FBXO17: variants seen among roughly 807,000 people sequenced by gnomAD.
FBXO17 encodes the protein F-box only protein 17.
A neutral mutation model predicts 34.1 loss-of-function variants in FBXO17; 43 were observed. That is an observed-to-expected ratio of 1.26 (90% confidence interval 0.99 to 1.62). The LOEUF (loss-of-function observed/expected upper bound fraction) is 1.62, where lower values mean the gene tolerates loss of function less well. FBXO17 is among the 40% of genes most tolerant of loss of function. The pLI is 0.00. For missense variants in FBXO17, 424 were observed against 386.7 expected, an observed-to-expected ratio of 1.10 and a Z score of -0.81; for synonymous variants, 169 against 166.0, an observed-to-expected ratio of 1.02 and a Z score of -0.14.
At chr19:38,955,087 T>C (rs942219396) in intron 1 of FBXO17, among the ~76,000 whole-genome samples, 8 of 151,410 alleles carry the variant, frequency 5.3e-5, no homozygotes, top group South Asian at 2.1e-4. Flanking sequence ...CCCACCACCA[T>C]GCCCAGCTAA....
At position 38,945,042 on chromosome 19, in the gene FBXO17, T is replaced by C; in HGVS notation, c.620A>G (p.Tyr207Cys). The C allele has an allele frequency of 1.2e-6, 2 of 1,614,200 alleles. No individual in the cohort carries two copies. The highest frequency in any genetic ancestry group is 1.3e-5 in the African/African-American group (1 of 75,050). The change falls in exon 5 of 6, where the codon TAT (tyrosine) becomes TGT (cysteine). Residue 207 changes from tyrosine (Y) to cysteine (C), a missense_variant. By Grantham distance (194) the Tyr-to-Cys change is radical. Transcript: ENST00000292852. ...YQLRVRLLDV[Y>C]EKEVVKFSAS... is the part of the protein sequence containing the mutation. ...TGAGAACTTGACCACTTCCTTTTCA[T>C]ACACATCCAGAAGGCGGACCCGGAG...
At chr19:38,964,415 A>G (rs1178407850) in intron 1 of FBXO17, among the ~76,000 whole-genome samples, 1 of 151,918 alleles carries the variant, frequency 6.6e-6, no homozygotes, top group African/African-American at 2.4e-5. Flanking sequence ...GGCTCACTGC[A>G]ACCTCTGCCT....
At chr19:38,959,177 TGGGATTATA>T (rs1024359027) in intron 1 of FBXO17, among the ~76,000 whole-genome samples, 2 of 151,748 alleles carry the variant, frequency 1.3e-5, no homozygotes, top group African/African-American at 4.8e-5. Flanking sequence ...CCCAAAGTGC[TGGGATTATA>T]GGTAGGAGCC....
Position 38,946,525 on chromosome 19 carries a change from C to T in FBXO17, c.504G>A (p.Gly168=). Residue 168 remains glycine, a synonymous_variant, in exon 4 of 6, where the codon GGG becomes GGA. Coordinates refer to ENST00000292852, the MANE Select transcript of FBXO17 (RefSeq NM_024907.7). ...KRQLVDLVME[G]VWQELLDSAQ... ...CGCTGTCCAGCAGCTCCTGCCACAC[C>T]CCTTCCATCACCAGGTCCACAAGCT... is the stretch of plus-strand genomic sequence containing the variant. The T allele has an allele frequency of 6.2e-7, 1 of 1,614,046 alleles. No individual in the cohort carries two copies. The highest frequency in any genetic ancestry group is 8.5e-7 in the Non-Finnish European group (1 of 1,179,934).
Position 38,945,035 on chromosome 19 carries a change from C to G in FBXO17, c.627G>C (p.Lys209Asn), listed in dbSNP as rs772494584. ...LRVRLLDVYE[K>N]EVVKFSASPD... ...GTGAGGCTGAGAACTTGACCACTTCCTTTTCATACACATCCAGAAGGCGGA... is the reference window on the plus strand; with the variant it reads ...GTGAGGCTGAGAACTTGACCACTTCGTTTTCATACACATCCAGAAGGCGGA... The change falls in exon 5 of 6, where the codon AAG becomes AAC. Residue 209 changes from lysine to asparagine, a missense_variant. Lys to Asn is a moderately conservative substitution (Grantham distance 94). Coordinates refer to ENST00000292852, the MANE Select transcript of FBXO17 (RefSeq NM_024907.7). 1.9e-6 allele frequency: 3 copies of G among 1,614,118 alleles called. No homozygotes were observed. The highest frequency in any genetic ancestry group is 3.3e-5 in the Admixed American group (2 of 60,006).
Position 38,956,341 on chromosome 19 carries a change from T to C in FBXO17, c.-17-6005A>G, listed in dbSNP as rs181645031. Among the ~76,000 whole-genome samples the C allele has an allele frequency of 2.3e-3, 346 of 152,092 alleles. 1 individual carries two copies. Among genetic ancestry groups the C allele is most frequent in the Non-Finnish European group, 3.9e-3 (265 of 68,000 alleles). Reference sequence around the variant, plus strand: ...TACTTGCCTGACACAGGCTTATTTCTTTTTTTTAAGTAAAACCTTAATTTG... The same window carrying C: ...TACTTGCCTGACACAGGCTTATTTCCTTTTTTTAAGTAAAACCTTAATTTG... On this transcript the variant is annotated intron_variant, in intron 1 of 5. Coordinates refer to ENST00000292852, the MANE Select transcript of FBXO17 (RefSeq NM_024907.7).
chr19:38,974,557 A>G (rs1003056584), intron 1 of FBXO17, among the ~76,000 whole-genome samples: 11 of 152,168 alleles, frequency 7.2e-5, no homozygotes, highest in African/African-American at 2.7e-4. Context: ...GGAGGTGATT[A>G]TATAGGGAGG....
chr19:38,950,045 G>T lies in FBXO17; in HGVS notation c.275C>A (p.Pro92Gln), dbSNP rs375464793. Residue 92 changes from proline to glutamine, a missense_variant, in exon 2 of 6, where the codon CCG becomes CAG. Transcript: ENST00000292852. The part of the protein sequence containing the change: ...LPSNEDKEEF[P>Q]LCALARYCLR... ...ACAGTAGCGCGCCAGGGCGCACAGC[G>T]GGAACTCCTCCTTGTCTTCGTTGCT... The T allele has an allele frequency of 1.4e-3, 2,195 of 1,567,790 alleles. 53 individuals are homozygous for T. In the South Asian group the frequency reaches 0.024, roughly 17 times the overall value.
At chr19:38,962,081 G>A (rs1056821217) in intron 1 of FBXO17, among the ~76,000 whole-genome samples, 2 of 137,272 alleles carry the variant, frequency 1.5e-5, no homozygotes, top group Non-Finnish European at 3.0e-5. Context: ...CTGGAGTTTG[G>A]TTCTAGCCCA....
chr19:38,971,124 C>G (rs2144846129), intron 1 of FBXO17, among the ~76,000 whole-genome samples: 1 of 150,466 alleles, frequency 6.6e-6, no homozygotes, highest in Middle Eastern at 3.5e-3. Context: ...AATTCAAAGT[C>G]TAGACTCCCA....
chr19:38,961,492 C>G (rs1975249093), intron 1 of FBXO17, among the ~76,000 whole-genome samples: 1 of 151,816 alleles, frequency 6.6e-6, no homozygotes, highest in Non-Finnish European at 1.5e-5. Context: ...CTAGGCTGGT[C>G]TCAAACTCCT....
intron 5 of FBXO17, chr19:38,944,684 A>C: frequency 2.4e-6 from 1 of 415,726 alleles, no homozygotes; most frequent in Non-Finnish European, 4.4e-6. Flanking sequence ...TCTAGAATGG[A>C]GATAGGATTT....
chr19:38,964,850 C>G (rs1975299456), intron 1 of FBXO17, among the ~76,000 whole-genome samples: 1 of 152,052 alleles, frequency 6.6e-6, no homozygotes, highest in African/African-American at 2.4e-5. Flanking sequence ...AAAGCCCTCC[C>G]CATCTGGCAT....
At chr19:38,949,653 C>G in intron 2 of FBXO17, 1 of 501,518 alleles carries the variant, frequency 2.0e-6, no homozygotes, top group Non-Finnish European at 3.5e-6. Flanking sequence ...CTTGGCCTCC[C>G]AAAGCGTTGC....
intron 1 of FBXO17, among the ~76,000 whole-genome samples, chr19:38,961,704 C>A (rs1975252662): frequency 6.6e-6 from 1 of 152,136 alleles, no homozygotes. Context: ...CTCTGTCCTC[C>A]AGGCTGGAGT....
chr19:38,969,211 G>A (rs1244192512), intron 1 of FBXO17, among the ~76,000 whole-genome samples: 1 of 152,122 alleles, frequency 6.6e-6, no homozygotes, highest in African/African-American at 2.4e-5. Flanking sequence ...CACTTTGGGA[G>A]GCTAAGGTGG....
At chr19:38,945,230 G>A (rs1974958013) in intron 4 of FBXO17, 126 bp from the exon 5 acceptor site, 10 of 1,293,100 alleles carry the variant, frequency 7.7e-6, no homozygotes, top group South Asian at 1.4e-5. Context: ...ATTTGGAGAC[G>A]TCCTGGCCTG....
At chr19:38,966,082 G>C (rs907621207) in intron 1 of FBXO17, among the ~76,000 whole-genome samples, 7 of 151,940 alleles carry the variant, frequency 4.6e-5, no homozygotes, top group African/African-American at 7.3e-5. Flanking sequence ...CGATTCTCCT[G>C]TCTCAGCCTT....
At chr19:38,968,285 C>T (rs2144842425) in intron 1 of FBXO17, among the ~76,000 whole-genome samples, 1 of 150,606 alleles carries the variant, frequency 6.6e-6, no homozygotes, top group East Asian at 2.0e-4. Flanking sequence ...TACCACTGCA[C>T]TCTAGCCTGG....
Sources: allele counts gnomAD v4.1 joint callset (sites outside exome capture counted in the v4.1 genomes callset), GRCh38; gene constraint gnomAD v4.1.1; transcripts MANE v1.5; gene names NCBI Gene and HGNC (gene_info 2026-07-23, HGNC 2026-07-21).